SSUH2: variants seen among roughly 807,000 people sequenced by gnomAD.
The protein encoded by SSUH2 is protein SSUH2 homolog.
Under a neutral mutation model 55.3 loss-of-function variants are expected in SSUH2, and 47 were observed. The ratio of observed to expected loss-of-function variants is 0.85; its 90% CI spans 0.67 to 1.08. SSUH2 has a LOEUF of 1.08. Among genes scored for constraint, SSUH2 ranks in the 50% least tolerant of loss-of-function variants. SSUH2 has a pLI of 0.00. For missense variants in SSUH2, 535 were observed against 490.7 expected (o/e 1.09, Z -0.85); for synonymous variants, 212 against 191.5 (o/e 1.11, Z -0.89).
At chr3:8,644,096 C>G (rs555402771) in intron 1 of SSUH2, among the ~76,000 whole-genome samples, 1 of 152,102 alleles carries the variant, frequency 6.6e-6, no homozygotes, top group African/African-American at 2.4e-5. Context: ...ATACCATTTC[C>G]TTCATGTTTT....
intron 7 of SSUH2, among the ~76,000 whole-genome samples, chr3:8,654,930 A>G (rs1575301708): frequency 8.2e-6 from 1 of 121,482 alleles, no homozygotes; most frequent in Admixed American, 8.1e-5. Context: ...TGGCCTCCCC[A>G]AGATCACAGT....
chr3:8,675,775 A>G (rs1297486569), intron 3 of SSUH2, among the ~76,000 whole-genome samples: 2 of 152,288 alleles, frequency 1.3e-5, no homozygotes, highest in South Asian at 2.1e-4. Flanking sequence ...GGGGATCCCA[A>G]CAACAGCAAG....
chr3:8,681,200 C>T (rs1705920620), intron 1 of SSUH2, among the ~76,000 whole-genome samples: 1 of 138,458 alleles, frequency 7.2e-6, no homozygotes, highest in Non-Finnish European at 1.6e-5. Context: ...GGAATGAGAG[C>T]CAGCCCCTCT....
At chr3:8,637,189 G>A (rs545598784) in intron 1 of SSUH2, among the ~76,000 whole-genome samples, 28 of 152,248 alleles carry the variant, frequency 1.8e-4, no homozygotes, top group African/African-American at 7.2e-5. Context: ...TGTATTAAAC[G>A]CCTTCTTGAC....
intron 7 of SSUH2, among the ~76,000 whole-genome samples, chr3:8,652,979 G>A (rs569494595): frequency 6.6e-6 from 1 of 152,186 alleles, no homozygotes; most frequent in Non-Finnish European, 1.5e-5. Context: ...CCTGGGGATC[G>A]GCTACCTAAA....
intron 9 of SSUH2, 29 bp downstream of exon 9, chr3:8,626,200 T>C (rs1359074823): frequency 2.5e-6 from 4 of 1,589,114 alleles, no homozygotes; most frequent in Non-Finnish European, 3.5e-6. Context: ...CACCCCCGCA[T>C]GCCACAGCAT....
At chr3:8,658,190 A>C (rs780867297) in intron 7 of SSUH2, among the ~76,000 whole-genome samples, 2 of 152,252 alleles carry the variant, frequency 1.3e-5, no homozygotes, top group Admixed American at 6.5e-5. Context: ...AGATGACGAC[A>C]TGTGTAAGCA....
chr3:8,629,426 G>A (rs1327435809), intron 7 of SSUH2: 3 of 559,992 alleles, frequency 5.4e-6, no homozygotes, highest in South Asian at 4.7e-5. Context: ...GTAGATGGAT[G>A]AGAAAATAAG....
chr3:8,663,898 G>A, intron 5 of SSUH2: 1 of 448,994 alleles, frequency 2.2e-6, no homozygotes, highest in South Asian at 1.6e-5. Context: ...CTGCACAAAG[G>A]AGGGAACTGC....
upstream of SSUH2, among the ~76,000 whole-genome samples, chr3:8,648,327 G>A (rs909144808): frequency 6.6e-6 from 1 of 152,222 alleles, no homozygotes; most frequent in Non-Finnish European, 1.5e-5. Flanking sequence ...ATGTGTCGTT[G>A]TAAGAAGCTA....
intron 5 of SSUH2, chr3:8,670,886 A>AC: frequency 4.9e-6 from 1 of 205,010 alleles, no homozygotes; most frequent in South Asian, 7.7e-5. Context: ...TTTATGAGTA[A>AC]CATGTCTGTA....
rs149769841 is a variant in SSUH2, at chr3:8,640,069, G to A, written c.29-4212C>T. 4 of 876,864 alleles carry A rather than the reference G, an allele frequency of 4.6e-6. No homozygotes were observed. The African/African-American group carries it at 7.3e-5, about 16-fold the overall frequency. The allele number at this position is 876,864 out of a possible 1,614,324, so 54.3% of individuals were successfully genotyped here. On this transcript the variant is annotated intron_variant, in intron 1 of 11. Coordinates refer to ENST00000544814, the MANE Select transcript of SSUH2 (RefSeq NM_001256748.3). ...CAAAGTAGAGTGATGGTTGACAGGGGCTGTGGGGAGAAGGGAATAAGGAAT... is the reference window on the plus strand; with the variant it reads ...CAAAGTAGAGTGATGGTTGACAGGGACTGTGGGGAGAAGGGAATAAGGAAT...
intron 7 of SSUH2, among the ~76,000 whole-genome samples, chr3:8,656,370 C>T (rs1229328360): frequency 2.6e-5 from 4 of 152,234 alleles, no homozygotes; most frequent in Admixed American, 1.3e-4. Flanking sequence ...CCTGGAACCT[C>T]GCTGCTGCCC....
intron 2 of SSUH2, among the ~76,000 whole-genome samples, chr3:8,678,945 C>CT (rs1705694235): frequency 8.9e-6 from 1 of 111,940 alleles, no homozygotes; most frequent in Non-Finnish European, 2.1e-5. Context: ...CTCTTCCCCT[C>CT]CTGGCTCTTG....
At chr3:8,679,183 A>C (rs796232251) in intron 2 of SSUH2, among the ~76,000 whole-genome samples, 38,509 of 48,482 alleles carry the variant, frequency 0.79, 14,520 homozygotes, top group Non-Finnish European at 0.83. Context: ...GTTCCCCCAC[A>C]CTGGCTCTTG....
chr3:8,679,100 C>T lies in SSUH2; in HGVS notation c.-901+605G>A, dbSNP rs543292219. Reference sequence around the variant, plus strand: ...GGGGACTGAGAGCAAGCACCTCTTTCCCCCCTGGCTCTTAGGACCCAAATT... The same window carrying T: ...GGGGACTGAGAGCAAGCACCTCTTTTCCCCCTGGCTCTTAGGACCCAAATT... On this transcript the variant is annotated intron_variant, in intron 2 of 18. Coordinates refer to the SSUH2 transcript ENST00000317371. Among the ~76,000 whole-genome samples the T allele has an allele frequency of 1.4e-3, 157 of 108,474 alleles. 36 individuals carry two copies. Among genetic ancestry groups the T allele is most frequent in the Middle Eastern group, 0.013 (2 of 156 alleles). The allele number at this position is 108,474 out of a possible 152,430, so 71.2% of individuals were successfully genotyped here. A position where few individuals can be genotyped will look rare whatever the true frequency, so the allele number is the denominator to read the frequency against.
chr3:8,674,008 C>T (rs1704925810), intron 3 of SSUH2, among the ~76,000 whole-genome samples: 1 of 152,192 alleles, frequency 6.6e-6, no homozygotes, highest in Non-Finnish European at 1.5e-5. Context: ...TCCGTCAAAG[C>T]GCGGAACACG....
rs373708901 is a variant in SSUH2, at chr3:8,627,708, C to T, written c.664G>A (p.Gly222Ser). ...GGGAGATGCCCCTACCTTCGCCTGC[C>T]GGACCCCGCGCACAGCTGACATCTC... ...SRRCQLCAGS[G>S]RRRCSTCSGR... The change falls in exon 8 of 12, where the codon GGC becomes AGC. Residue 222 changes from glycine to serine, a missense_variant. Gly to Ser is a moderately conservative substitution (Grantham distance 56, BLOSUM62 0). Coordinates refer to ENST00000544814, the MANE Select transcript of SSUH2 (RefSeq NM_001256748.3). 3.9e-5 allele frequency: 62 copies of T among 1,592,648 alleles called. No homozygotes were observed. Among genetic ancestry groups the T allele is most frequent in the Admixed American group, 5.3e-5 (3 of 56,966 alleles).
intron 4 of SSUH2, among the ~76,000 whole-genome samples, chr3:8,671,462 T>A (rs936315885): frequency 1.3e-5 from 2 of 151,996 alleles, no homozygotes; most frequent in Non-Finnish European, 2.9e-5. Context: ...AGAGGTGACA[T>A]CCCTCTAGGA....
Sources: gnomAD v4.1 joint callset for allele counts (sites outside exome capture counted in the v4.1 genomes callset) on GRCh38, gnomAD v4.1.1 for gene constraint, MANE v1.5 for transcripts, NCBI Gene and HGNC (gene_info 2026-07-23, HGNC 2026-07-21) for gene names.